Variants in NEK10 observed in about 807,000 individuals in gnomAD.
NEK10 encodes NIMA related kinase 10.
Under a neutral mutation model 159.8 loss-of-function variants are expected in NEK10, and 122 were observed. The ratio of observed to expected loss-of-function variants is 0.76; its 90% CI spans 0.66 to 0.89. The LOEUF (loss-of-function observed/expected upper bound fraction) is 0.89, where lower values mean the gene tolerates loss of function less well. Ranked by LOEUF, NEK10 falls within the 40% of genes least tolerant of loss-of-function variation. NEK10 has a pLI of 0.00. For missense variants in NEK10, 1,342 were observed against 1,323.1 expected, an observed-to-expected ratio of 1.01 and a Z score of -0.22; for synonymous variants, 466 against 457.1, an observed-to-expected ratio of 1.02 and a Z score of -0.25.
intron 32 of NEK10, 98 bp from the exon 33 acceptor site, chr3:27,119,966 C>T (rs757566927): frequency 8.6e-6 from 7 of 817,780 alleles, no homozygotes; most frequent in Non-Finnish European, 1.5e-5. Context: ...TGTCTCTGCA[C>T]AGAAAATTTA....
intron 35 of NEK10, among the ~76,000 whole-genome samples, chr3:27,115,261 A>ATT (rs1940229854): frequency 6.6e-6 from 1 of 152,190 alleles, no homozygotes; most frequent in Admixed American, 6.5e-5. Flanking sequence ...AATTTGCTTG[A>ATT]TTATAAAACC....
chr3:27,301,624 C>T, intron 13 of NEK10, 72 bp downstream of exon 13: 1 of 1,248,972 alleles, frequency 8.0e-7, no homozygotes, highest in Non-Finnish European at 1.1e-6. Context: ...AACACTACTA[C>T]ACTAATCTAT....
chr3:27,180,645 AAC>A (rs1045377231), intron 26 of NEK10, among the ~76,000 whole-genome samples: 3 of 152,224 alleles, frequency 2.0e-5, no homozygotes, highest in African/African-American at 7.2e-5. Context: ...TTTCATTTTT[AAC>A]ACAGAGTTAC....
intron 8 of NEK10, 36 bp downstream of exon 8, chr3:27,312,063 C>T: frequency 7.2e-7 from 1 of 1,390,904 alleles, no homozygotes. Context: ...TCTAGCAAGT[C>T]CACAAAAATG....
intron 22 of NEK10, chr3:27,265,625 G>C (rs982405578): frequency 3.9e-5 from 6 of 152,058 alleles, no homozygotes; most frequent in African/African-American, 1.4e-4. Context: ...CCTTGTGCAC[G>C]GGCCATGCTA....
At chr3:27,331,027 G>A (rs1019671934) in intron 5 of NEK10, among the ~76,000 whole-genome samples, 2 of 152,054 alleles carry the variant, frequency 1.3e-5, no homozygotes, top group African/African-American at 4.8e-5. Context: ...CCTGAGGTCA[G>A]GAGTTCAAGA....
chr3:27,321,673 C>T (rs1023960230), intron 6 of NEK10, among the ~76,000 whole-genome samples: 4 of 152,140 alleles, frequency 2.6e-5, no homozygotes, highest in East Asian at 1.9e-4. Flanking sequence ...CCTCAGTGCC[C>T]TCCTTTGGGA....
At chr3:27,349,172 C>T (rs1011903038) in intron 3 of NEK10, among the ~76,000 whole-genome samples, 4 of 151,918 alleles carry the variant, frequency 2.6e-5, no homozygotes, top group African/African-American at 9.7e-5. Context: ...GGAATCAAGT[C>T]CAAAATTCAC....
At position 27,175,220 on chromosome 3, in the gene NEK10, G is replaced by A. The variant is rs201551913; in HGVS notation, c.2506-387C>T. Among the ~76,000 whole-genome samples the A allele has an allele frequency of 2.6e-5, 4 of 152,128 alleles. No individual in the cohort carries two copies. The East Asian group carries it at 7.7e-4, about 29-fold the overall frequency. On this transcript the variant is annotated intron_variant, in intron 26 of 35. Coordinates refer to ENST00000691995, the MANE Select transcript of NEK10 (RefSeq NM_001394966.1). ...TCTCAGTACCACAGCAAATAAGTAA[G>A]GCTTATTCTCTTCAAAACTCCAGGA...
At chr3:27,196,975 A>G (rs1199676238) in intron 25 of NEK10, among the ~76,000 whole-genome samples, 1 of 152,144 alleles carries the variant, frequency 6.6e-6, no homozygotes, top group Non-Finnish European at 1.5e-5. Flanking sequence ...CTCATTTCCC[A>G]TAATACTAAC....
At chr3:27,340,993 A>G (rs1042870343) in intron 5 of NEK10, among the ~76,000 whole-genome samples, 17 of 152,196 alleles carry the variant, frequency 1.1e-4, no homozygotes, top group African/African-American at 3.4e-4. Flanking sequence ...TAGTATATAT[A>G]TAAAATGAAA....
intron 29 of NEK10, among the ~76,000 whole-genome samples, chr3:27,166,559 C>T (rs1946497911): frequency 6.6e-6 from 1 of 152,150 alleles, no homozygotes; most frequent in African/African-American, 2.4e-5. Context: ...AGCAAGACTT[C>T]CGCTTTTAAG....
chr3:27,199,706 C>A (rs977630488), intron 25 of NEK10, among the ~76,000 whole-genome samples: 4 of 152,156 alleles, frequency 2.6e-5, no homozygotes, highest in African/African-American at 4.8e-5. Context: ...ATGGAATCAA[C>A]ATAAATGCCC....
intron 5 of NEK10, among the ~76,000 whole-genome samples, chr3:27,335,698 A>G (rs576630157): frequency 1.5e-4 from 23 of 152,330 alleles, no homozygotes; most frequent in South Asian, 6.2e-4. Flanking sequence ...CTAAAAATCA[A>G]TAACAAGAGG....
chr3:27,243,412 CT>C (rs60501068), intron 23 of NEK10, among the ~76,000 whole-genome samples: 12,792 of 152,020 alleles, frequency 0.084, 1,766 homozygotes, highest in African/African-American at 0.29. Context: ...TCTTTTGCCC[CT>C]AATATGGTAA....
intron 23 of NEK10, among the ~76,000 whole-genome samples, chr3:27,231,885 C>T (rs1460311003): frequency 2.0e-5 from 3 of 151,732 alleles, no homozygotes; most frequent in African/African-American, 7.3e-5. Flanking sequence ...AAGACAGATT[C>T]TCAGCTGAAT....
intron 13 of NEK10, among the ~76,000 whole-genome samples, chr3:27,300,499 G>A (rs79600244): frequency 0.028 from 4,281 of 152,198 alleles, 106 homozygotes; most frequent in Non-Finnish European, 0.042. Context: ...TACGGGTATA[G>A]AATAAGCTAT....
chr3:27,352,801 T>C lies in NEK10; in HGVS notation c.71+11A>G, dbSNP rs763221634. ...GAGTTAACAATTAGCAAACACTCAG[T>C]AGGGAGTTACCTGATGGTGATTTCT... is the stretch of plus-strand genomic sequence containing the variant. On this transcript the variant is annotated intron_variant, in intron 2 of 35. Coordinates refer to ENST00000691995, the MANE Select transcript of NEK10 (RefSeq NM_001394966.1). 2.2e-5 allele frequency: 35 copies of C among 1,584,990 alleles called. No individual in the cohort carries two copies. Among genetic ancestry groups the C allele is most frequent in the Admixed American group, 1.7e-5 (1 of 59,834 alleles).
At chr3:27,335,580 A>G (rs939098577) in intron 5 of NEK10, among the ~76,000 whole-genome samples, 6 of 152,236 alleles carry the variant, frequency 3.9e-5, no homozygotes, top group Non-Finnish European at 8.8e-5. Flanking sequence ...TCCTCAGTAC[A>G]TAGAACATTC....
Sources: allele counts gnomAD v4.1 joint callset (sites outside exome capture counted in the v4.1 genomes callset), GRCh38; gene constraint gnomAD v4.1.1; transcripts MANE v1.5; gene names NCBI Gene and HGNC (gene_info 2026-07-23, HGNC 2026-07-21).